The following GLIS3 variants were observed in gnomAD, a reference collection of about 807,000 sequenced individuals.
The protein encoded by GLIS3 is GLIS family zinc finger 3.
GLIS3 carries 53 observed loss-of-function variants against 78.6 expected under a neutral mutation model. The ratio of observed to expected loss-of-function variants is 0.67; its 90% CI spans 0.54 to 0.85. GLIS3 has a LOEUF of 0.85. Ranked by LOEUF, GLIS3 falls within the 40% of genes least tolerant of loss-of-function variation. The pLI, the probability that GLIS3 is intolerant of heterozygous loss-of-function variation, is 0.00. For synonymous variants in GLIS3, 684 were observed against 509.9 expected (o/e 1.34, Z -4.60); for missense variants, 1,703 against 1,231.1 (o/e 1.38, Z -5.74).
rs142665307 is a variant in GLIS3, at chr9:4,054,366, G to A, written c.1710+63402C>T. 7.6e-4 allele frequency: 747 copies of A among 985,390 alleles called. 10 individuals carry two copies. In the African/African-American group the frequency reaches 0.012, roughly 16 times the overall value. 61.0% of individuals were successfully genotyped at this position (985,390 alleles called of 1,614,324 possible). A position where few individuals can be genotyped will look rare whatever the true frequency, so the allele number is the denominator to read the frequency against. ...TTTCCAAGCTCTCAAAAGGCACAGA[G>A]CAATAAAACGTATTTTCCCAAGCTC... On this transcript the variant is annotated intron_variant, in intron 4 of 10. Transcript: ENST00000381971.
At chr9:4,381,508 G>A in the GLIS3 span, among the ~76,000 whole-genome samples, 2 of 152,226 alleles carry the variant, frequency 1.3e-5, no homozygotes, top group African/African-American at 4.8e-5. Context: ...GAGTTGCATG[G>A]TCACATAGTA....
intron 2 of GLIS3, among the ~76,000 whole-genome samples, chr9:4,283,555 C>T (rs529123888): frequency 3.3e-5 from 5 of 152,242 alleles, no homozygotes; most frequent in South Asian, 2.1e-4. Flanking sequence ...CGTGAGCCAT[C>T]GCACCCCACC....
At chr9:4,215,435 G>T (rs895699112) in intron 2 of GLIS3, among the ~76,000 whole-genome samples, 2 of 152,106 alleles carry the variant, frequency 1.3e-5, no homozygotes, top group South Asian at 2.1e-4. Context: ...AATCATGATT[G>T]TAAGTGTTGT....
the GLIS3 span, among the ~76,000 whole-genome samples, chr9:4,442,844 G>A: frequency 6.6e-6 from 1 of 151,734 alleles, no homozygotes; most frequent in Non-Finnish European, 1.5e-5. Context: ...CCTCTCTATA[G>A]AAGTTTTGAA....
chr9:3,833,490 C>G (rs1025998083), intron 9 of GLIS3, among the ~76,000 whole-genome samples: 6 of 152,068 alleles, frequency 3.9e-5, no homozygotes, highest in Non-Finnish European at 8.8e-5. Flanking sequence ...TTCTCGGACC[C>G]AAAGCAAAAT....
chr9:3,956,406 C>G (rs567327946), intron 4 of GLIS3, among the ~76,000 whole-genome samples: 12 of 152,140 alleles, frequency 7.9e-5, no homozygotes, highest in African/African-American at 2.9e-4. Context: ...TGGACAGAAG[C>G]CTTCAGATCA....
intron 2 of GLIS3, among the ~76,000 whole-genome samples, chr9:4,139,598 C>T (rs1300688710): frequency 2.0e-5 from 3 of 152,064 alleles, no homozygotes; most frequent in Non-Finnish European, 2.9e-5. Flanking sequence ...TAGTCTAAGC[C>T]AGCAGTCCCC....
chr9:4,197,344 T>C (rs1818960500), intron 2 of GLIS3, among the ~76,000 whole-genome samples: 1 of 152,202 alleles, frequency 6.6e-6, no homozygotes, highest in African/African-American at 2.4e-5. Flanking sequence ...TAAACTGCCC[T>C]ACCCTCCTTG....
chr9:4,240,583 C>T (rs1358238284), intron 2 of GLIS3, among the ~76,000 whole-genome samples: 1 of 152,118 alleles, frequency 6.6e-6, no homozygotes, highest in African/African-American at 2.4e-5. Flanking sequence ...ACTAATATTA[C>T]ACTTTATCTT....
chr9:4,082,995 G>A (rs1479790821), intron 4 of GLIS3, among the ~76,000 whole-genome samples: 2 of 152,128 alleles, frequency 1.3e-5, no homozygotes, highest in Non-Finnish European at 1.5e-5. Flanking sequence ...CTCTGCAAGT[G>A]CCAAAGTTTT....
At chr9:4,191,707 A>G (rs1055821239) in intron 2 of GLIS3, among the ~76,000 whole-genome samples, 1 of 152,204 alleles carries the variant, frequency 6.6e-6, no homozygotes, top group Non-Finnish European at 1.5e-5. Flanking sequence ...AATAAAGGGA[A>G]TATTTAACAA....
chr9:4,286,138 C>G lies in GLIS3; in HGVS notation c.288G>C (p.Pro96=). The change falls in exon 2 of 11, where the codon CCG becomes CCC. Residue 96 remains proline, a synonymous_variant. Coordinates refer to ENST00000381971, the MANE Select transcript of GLIS3 (RefSeq NM_001042413.2). Reference sequence around the variant, plus strand: ...CTCCAGCCTGGGTGACCTGGAATCGCGGCTTCCCATTGGTGAGCATTTGTC... The same window carrying G: ...CTCCAGCCTGGGTGACCTGGAATCGGGGCTTCCCATTGGTGAGCATTTGTC... ...PRRQMLTNGK[P]RFQVTQAGGM... is the part of the protein sequence containing the mutation. The G allele has an allele frequency of 1.2e-6, 2 of 1,613,758 alleles. No homozygotes were observed. Among genetic ancestry groups the G allele is most frequent in the Non-Finnish European group, 1.7e-6 (2 of 1,179,644 alleles).
intron 6 of GLIS3, among the ~76,000 whole-genome samples, chr9:3,918,138 A>G (rs1824644540): frequency 6.6e-6 from 1 of 152,172 alleles, no homozygotes; most frequent in Non-Finnish European, 1.5e-5. Flanking sequence ...TCAAATATCC[A>G]TGTTCCCTCT....
rs1458063129 is a variant in GLIS3, at chr9:4,056,376, T to G, written c.1710+61392A>C. 2.0e-5 allele frequency among the ~76,000 whole-genome samples: 3 copies of G among 152,198 alleles called. No individual in the cohort carries two copies. The East Asian group carries it at 5.8e-4, about 29-fold the overall frequency. Reference sequence around the variant, plus strand: ...CAAGACTCCTTTTTAAGCTACTAGTTTTAACAGTGGCTGAGATGGGCACCA... The same window carrying G: ...CAAGACTCCTTTTTAAGCTACTAGTGTTAACAGTGGCTGAGATGGGCACCA... On this transcript the variant is annotated intron_variant, in intron 4 of 10. Transcript: ENST00000381971.
the GLIS3 span, among the ~76,000 whole-genome samples, chr9:4,414,432 T>C: frequency 1.3e-5 from 2 of 152,328 alleles, no homozygotes; most frequent in Admixed American, 1.3e-4. Context: ...ATGGACAAGT[T>C]ACTTAACCTC....
chr9:4,447,943 G>C, the GLIS3 span, among the ~76,000 whole-genome samples: 1 of 151,942 alleles, frequency 6.6e-6, no homozygotes, highest in African/African-American at 2.4e-5. Flanking sequence ...CTAAAAATGA[G>C]CTCTCAATAT....
chr9:4,095,765 G>T (rs1829887382), intron 4 of GLIS3, among the ~76,000 whole-genome samples: 1 of 152,174 alleles, frequency 6.6e-6, no homozygotes, highest in Non-Finnish European at 1.5e-5. Flanking sequence ...TAACACTTAA[G>T]AAGTGAGTTC....
At chr9:4,062,868 G>A (rs574619222) in intron 4 of GLIS3, among the ~76,000 whole-genome samples, 175 of 152,080 alleles carry the variant, frequency 1.2e-3, no homozygotes, top group Middle Eastern at 3.4e-3. Flanking sequence ...GGCGGAGCTT[G>A]CAGTGAGCTG....
chr9:3,911,150 C>T (rs376712528), intron 6 of GLIS3, among the ~76,000 whole-genome samples: 7 of 151,928 alleles, frequency 4.6e-5, no homozygotes, highest in East Asian at 1.9e-4. Context: ...CCCTTCCTTC[C>T]GCACTATTTC....
Sources: allele counts gnomAD v4.1 joint callset (sites outside exome capture counted in the v4.1 genomes callset), GRCh38; gene constraint gnomAD v4.1.1; transcripts MANE v1.5; gene names NCBI Gene and HGNC (gene_info 2026-07-23, HGNC 2026-07-21).